Variants in SSC4D observed in about 807,000 individuals in gnomAD.
The protein encoded by SSC4D is scavenger receptor cysteine rich family member with 4 domains.
In SSC4D, 57 loss-of-function variants were observed where a neutral mutation model predicts 63.4. The ratio of observed to expected loss-of-function variants is 0.90; its 90% CI spans 0.73 to 1.12. The LOEUF is 1.12. Ranked by LOEUF, SSC4D falls within the 50% of genes most tolerant of loss-of-function variation. The pLI is 0.00. For synonymous variants in SSC4D, 352 were observed against 345.4 expected, an observed-to-expected ratio of 1.02 and a Z score of -0.21; for missense variants, 791 against 806.4, an observed-to-expected ratio of 0.98 and a Z score of 0.23.
Position 76,393,557 on chromosome 7 carries a change from G to A in SSC4D, c.1181C>T (p.Thr394Met), listed in dbSNP as rs1362365634. 2.6e-6 allele frequency: 4 copies of A among 1,518,998 alleles called. No homozygotes were observed. The highest frequency in any genetic ancestry group is 1.4e-5 in the African/African-American group (1 of 70,098). 94.1% of individuals were successfully genotyped at this position (1,518,998 alleles called of 1,614,324 possible). ...EAGCGPALGATGLGHFGYGRG... is the reference protein window; with the variant it reads ...EAGCGPALGAMGLGHFGYGRG... ...GCCGTAGCCGAAGTGGCCCAGTCCCGTAGCGCCCAGCGCAGGCCCGCAGCC... is the reference window on the plus strand; with the variant it reads ...GCCGTAGCCGAAGTGGCCCAGTCCCATAGCGCCCAGCGCAGGCCCGCAGCC... The change falls in exon 9 of 11, where the codon ACG becomes ATG. Residue 394 changes from threonine to methionine, a missense_variant. Physicochemically the swap from Thr to Met is moderately conservative, Grantham distance 81. Coordinates refer to ENST00000275560, the MANE Select transcript of SSC4D (RefSeq NM_080744.2).
chr7:76,400,911 G>C, intron 3 of SSC4D, 97 bp downstream of exon 3: 9 of 1,486,228 alleles, frequency 6.1e-6, no homozygotes, highest in Non-Finnish European at 7.3e-6. Flanking sequence ...TAGAGTCAAG[G>C]GGGGCTGGTT....
At chr7:76,408,348 G>A (rs1252924287) in intron 1 of SSC4D, among the ~76,000 whole-genome samples, 1 of 152,122 alleles carries the variant, frequency 6.6e-6, no homozygotes, top group African/African-American at 2.4e-5. Flanking sequence ...CCTTCTGCCT[G>A]GACTGGGGAC....
At position 76,397,610 on chromosome 7, in the gene SSC4D, T is replaced by C; in HGVS notation, c.776A>G (p.Glu259Gly). 6.2e-7 allele frequency: 1 copy of C among 1,611,698 alleles called. No homozygotes were observed. The highest frequency in any genetic ancestry group is 8.5e-7 in the Non-Finnish European group (1 of 1,179,240). ...GGCTGCCAGGCGGGGCTCGCCGCCT[T>C]CGCAGTGCACGTTGTCCAGCAGGAT... ...GHILLDNVHC[E>G]GGEPRLAACQ... is the part of the protein sequence containing the mutation. Residue 259 changes from glutamate (E) to glycine (G), a missense_variant, in exon 6 of 11, where the codon GAA (glutamate) becomes GGA (glycine). Physicochemically the swap from Glu to Gly is moderately conservative, Grantham distance 98. Transcript: ENST00000275560.
chr7:76,397,776 T>G lies in SSC4D; in HGVS notation c.610A>C (p.Ile204Leu). The G allele has an allele frequency of 6.2e-7, 1 of 1,611,230 alleles. No homozygotes were observed. The highest frequency in any genetic ancestry group is 8.5e-7 in the Non-Finnish European group (1 of 1,178,632). Residue 204 changes from isoleucine (I) to leucine (L), a missense_variant, in exon 6 of 11, where the codon ATC (isoleucine) becomes CTC (leucine). Transcript: ENST00000275560. ...GANLCQGRVE[I>L]LHSGLWGTVC... The stretch of plus-strand genomic sequence containing the variant: ...GTGCCCCACAGGCCACTGTGCAGGA[T>G]CTCCACTCGGCCCTGACACAGGTTC...
intron 1 of SSC4D, among the ~76,000 whole-genome samples, chr7:76,405,680 G>A (rs1026976747): frequency 6.6e-6 from 1 of 151,968 alleles, no homozygotes; most frequent in African/African-American, 2.4e-5. Flanking sequence ...TGGAGACGAC[G>A]GCAGAGGCAA....
At chr7:76,406,585 A>C (rs1002762679) in intron 1 of SSC4D, among the ~76,000 whole-genome samples, 8 of 149,454 alleles carry the variant, frequency 5.4e-5, no homozygotes, top group African/African-American at 1.7e-4. Flanking sequence ...CTGGGCTCAA[A>C]GGATCCTCCC....
intron 1 of SSC4D, among the ~76,000 whole-genome samples, chr7:76,409,130 AC>A (rs1805146613): frequency 2.0e-5 from 3 of 151,990 alleles, no homozygotes. Flanking sequence ...GAGGGTGGAA[AC>A]CAGATCTCAT....
chr7:76,397,928 T>C (rs1584023119), intron 5 of SSC4D, 96 bp from the exon 6 acceptor site: 3 of 1,252,620 alleles, frequency 2.4e-6, no homozygotes, highest in Non-Finnish European at 3.2e-6. Context: ...TCTACAACCC[T>C]TGGGCATCTG....
chr7:76,401,758 G>A (rs1804837252), intron 2 of SSC4D, among the ~76,000 whole-genome samples: 1 of 152,064 alleles, frequency 6.6e-6, no homozygotes, highest in African/African-American at 2.4e-5. Context: ...CCTTCCTCTG[G>A]GAAGCCATCC....
chr7:76,397,318 G>A lies in SSC4D; in HGVS notation c.868+200C>T, dbSNP rs77540738. On this transcript the variant is annotated intron_variant, in intron 6 of 10. Transcript: ENST00000275560. ...ATAGCCATGGAGTGTACCACAAGGA[G>A]TTCTGGGATATTCGGAGGCACTTCT... Among the ~76,000 whole-genome samples the A allele has an allele frequency of 8.8e-3, 1,339 of 152,344 alleles. 23 individuals carry two copies. The highest frequency in any genetic ancestry group is 0.03 in the African/African-American group (1,265 of 41,572).
chr7:76,392,706 T>C (rs916978938), intron 9 of SSC4D, among the ~76,000 whole-genome samples: 1 of 151,748 alleles, frequency 6.6e-6, no homozygotes, highest in East Asian at 1.9e-4. Context: ...CGGAGTAGGA[T>C]AGCTTGAGCC....
chr7:76,397,957 G>A (rs906054134), intron 5 of SSC4D, 125 bp from the exon 6 acceptor site: 1 of 1,004,710 alleles, frequency 1.0e-6, no homozygotes, highest in Middle Eastern at 3.1e-4. Flanking sequence ...GCTGCCCAGG[G>A]TACCGCCTCC....
chr7:76,402,764 GGTTCAA>G (rs988600672), intron 2 of SSC4D, among the ~76,000 whole-genome samples: 3 of 152,058 alleles, frequency 2.0e-5, no homozygotes, highest in Non-Finnish European at 4.4e-5. Context: ...CCCCCTCCTG[GGTTCAA>G]GTGATTCTCC....
At chr7:76,391,652 G>A (rs1044556179) in intron 10 of SSC4D, among the ~76,000 whole-genome samples, 6 of 152,008 alleles carry the variant, frequency 3.9e-5, no homozygotes, top group Non-Finnish European at 7.4e-5. Context: ...GGTCATCACG[G>A]TCTCCTGCAC....
chr7:76,395,077 G>A (rs1704813690), intron 7 of SSC4D, among the ~76,000 whole-genome samples, 176 bp downstream of exon 7: 1 of 152,012 alleles, frequency 6.6e-6, no homozygotes, highest in South Asian at 2.1e-4. Flanking sequence ...AGAGCTCTGA[G>A]TTTCATCATC....
rs758079289 is a variant in SSC4D at position 76,390,301 on chromosome 7, T to C, written c.1486A>G (p.Thr496Ala). The C allele has an allele frequency of 2.5e-6, 4 of 1,613,796 alleles. No homozygotes were observed. The highest frequency in any genetic ancestry group is 1.1e-5 in the South Asian group (1 of 91,048). Residue 496 changes from threonine to alanine, a missense_variant, in exon 11 of 11, where the codon ACT (threonine) becomes GCT (alanine). By Grantham distance (58) the Thr-to-Ala change is moderately conservative. Coordinates refer to ENST00000275560, the MANE Select transcript of SSC4D (RefSeq NM_080744.2). ...VELYLGQRWG[T>A]VCDDAWDLRA... The stretch of plus-strand genomic sequence containing the variant: ...AGGTCCCAAGCATCATCACAGACAG[T>C]GCCCCACCGTTGCCCTAGGTAGAGC...
chr7:76,397,444 G>GCCT (rs1282138485), intron 6 of SSC4D, 74 bp downstream of exon 6: 8 of 1,424,996 alleles, frequency 5.6e-6, no homozygotes, highest in Non-Finnish European at 1.8e-6. Context: ...CCCCACCGAA[G>GCCT]CCTCCTCCTC....
chr7:76,408,130 G>C (rs1296445160), intron 1 of SSC4D, among the ~76,000 whole-genome samples: 2 of 152,136 alleles, frequency 1.3e-5, no homozygotes, highest in East Asian at 3.9e-4. Context: ...TACACTGAGA[G>C]TGGGACTGGG....
chr7:76,393,452 C>T lies in SSC4D; in HGVS notation c.1286G>A (p.Gly429Asp). 6.5e-7 allele frequency: 1 copy of T among 1,536,844 alleles called. No homozygotes were observed. Among genetic ancestry groups the T allele is most frequent in the Non-Finnish European group, 8.7e-7 (1 of 1,150,076 alleles). ...CTCGTGGTGGCCGCAGTTGTGCTGG[C>T]CCCAGCCCAGGTGGAAGCAGTCGCT... ...RLSDCFHLGW[G>D]QHNCGHHEDA... Residue 429 changes from glycine to aspartate, a missense_variant, in exon 9 of 11, where the codon GGC becomes GAC. Physicochemically the swap from Gly to Asp is moderately conservative, Grantham distance 94. Transcript: ENST00000275560.
Sources: allele counts gnomAD v4.1 joint callset (sites outside exome capture counted in the v4.1 genomes callset), GRCh38; gene constraint gnomAD v4.1.1; transcripts MANE v1.5; gene names NCBI Gene and HGNC (gene_info 2026-07-23, HGNC 2026-07-21).